The following PECAM1 variants were observed in gnomAD, a reference collection of about 807,000 sequenced individuals.
PECAM1 encodes platelet and endothelial cell adhesion molecule 1.
PECAM1 carries 8 observed loss-of-function variants against 13.8 expected under a neutral mutation model. The observed-to-expected ratio is 0.58, with a 90% confidence interval of 0.34 to 1.05. The LOEUF is 1.05. PECAM1 is among the 50% of genes least tolerant of loss of function. PECAM1 has a pLI of 0.03. For synonymous variants in PECAM1, 136 were observed against 52.6 expected (o/e 2.58, Z -6.86); for missense variants, 304 against 141.2 (o/e 2.15, Z -5.84).
intron 14 of PECAM1, among the ~76,000 whole-genome samples, chr17:64,334,712 T>C (rs2035224016): frequency 6.6e-6 from 1 of 152,124 alleles, no homozygotes; most frequent in South Asian, 2.1e-4. Flanking sequence ...TTTCACCGTG[T>C]TAGCCAGGAT....
At chr17:64,359,082 G>A (rs1335149233) in intron 7 of PECAM1, among the ~76,000 whole-genome samples, 1 of 152,132 alleles carries the variant, frequency 6.6e-6, no homozygotes, top group African/African-American at 2.4e-5. Context: ...ACAGGTGTGA[G>A]CTACCTCAAC....
intron 14 of PECAM1, among the ~76,000 whole-genome samples, chr17:64,339,720 T>C (rs1020285335): frequency 6.6e-6 from 1 of 152,228 alleles, no homozygotes; most frequent in Non-Finnish European, 1.5e-5. Context: ...TTTTCAAAAA[T>C]TATTCAGGGT....
chr17:64,367,230 G>A (rs2036129402), intron 5 of PECAM1, among the ~76,000 whole-genome samples: 1 of 152,066 alleles, frequency 6.6e-6, no homozygotes, highest in South Asian at 2.1e-4. Flanking sequence ...TGATTCAGAT[G>A]CATTATTTGT....
Position 64,322,786 on chromosome 17 carries a change from G to A in PECAM1, c.*1030C>T, listed in dbSNP as rs530211305. The stretch of plus-strand genomic sequence containing the variant: ...GCTGGAGTGCAGTGGCGCGATCTCC[G>A]CTCACTACAACCTCCGTTTCCTGGG... On this transcript the variant is annotated 3_prime_UTR_variant, in exon 16 of 16. Transcript: ENST00000563924. The A allele has an allele frequency of 4.6e-6, 3 of 657,570 alleles. No homozygotes were observed. The highest frequency in any genetic ancestry group is 2.0e-5 in the African/African-American group (1 of 51,266). 40.7% of individuals were successfully genotyped at this position (657,570 alleles called of 1,614,324 possible). A position where few individuals can be genotyped will look rare whatever the true frequency, so the allele number is the denominator to read the frequency against.
intron 14 of PECAM1, among the ~76,000 whole-genome samples, chr17:64,332,731 C>T (rs1466822492): frequency 2.0e-5 from 3 of 152,204 alleles, no homozygotes; most frequent in African/African-American, 7.2e-5. Flanking sequence ...TCTTTCTCAG[C>T]CATTTCCTGT....
chr17:64,381,598 G>T (rs989920438), intron 2 of PECAM1, among the ~76,000 whole-genome samples: 2 of 151,974 alleles, frequency 1.3e-5, no homozygotes, highest in African/African-American at 4.8e-5. Context: ...TACAATTTGC[G>T]CCTGCTGCTA....
intron 2 of PECAM1, among the ~76,000 whole-genome samples, chr17:64,382,857 T>A (rs2036511461): frequency 2.0e-5 from 3 of 151,848 alleles, no homozygotes; most frequent in Admixed American, 6.6e-5. Context: ...CTGGCTAACA[T>A]GGTGAAACCC....
intron 5 of PECAM1, among the ~76,000 whole-genome samples, chr17:64,368,998 G>A (rs1250925321): frequency 4.9e-5 from 6 of 123,268 alleles, no homozygotes; most frequent in South Asian, 6.0e-4. Context: ...GTGCAGTGGC[G>A]CAATCTCAGC....
At position 64,378,032 on chromosome 17, in the gene PECAM1, C is replaced by A; in HGVS notation, c.177G>T (p.Ala59=). Residue 59 remains alanine (A), a synonymous_variant, in exon 3 of 16, where the codon GCG becomes GCT. Transcript: ENST00000563924. ...TGACGTGAGAGGTGGTGCTGACATC[C>A]GCGAAGCACTGCAGGGTCAGGTTCT... is the stretch of plus-strand genomic sequence containing the variant. ...NGKNLTLQCF[A]DVSTTSHVKP... is the part of the protein sequence containing the mutation. The A allele has an allele frequency of 4.2e-6, 2 of 475,320 alleles. No individual in the cohort carries two copies. The highest frequency in any genetic ancestry group is 7.7e-6 in the Non-Finnish European group (2 of 259,054). 29.4% of individuals were successfully genotyped at this position (475,320 alleles called of 1,614,324 possible).
intron 2 of PECAM1, among the ~76,000 whole-genome samples, chr17:64,389,716 C>A (rs2036674412): frequency 6.6e-6 from 1 of 152,060 alleles, no homozygotes; most frequent in African/African-American, 2.4e-5. Context: ...ATAAAAAAAT[C>A]ACCTCCCCAT....
rs959528858 is a variant in PECAM1 at position 64,389,045 on chromosome 17, G to A, written c.91+1444C>T. 6.6e-4 allele frequency among the ~76,000 whole-genome samples: 100 copies of A among 152,248 alleles called. 3 individuals carry two copies. In the South Asian group the frequency reaches 0.02, roughly 30 times the overall value. On this transcript the variant is annotated intron_variant, in intron 2 of 15. Coordinates refer to ENST00000563924, the MANE Select transcript of PECAM1 (RefSeq NM_000442.5). Reference sequence around the variant, plus strand: ...TGAAGATTATGGATATCCTGCCTCCGTGGGTTGCCATGGGGATCAAATGCC... The same window carrying A: ...TGAAGATTATGGATATCCTGCCTCCATGGGTTGCCATGGGGATCAAATGCC...
At position 64,350,380 on chromosome 17, in the gene PECAM1, C is replaced by A; in HGVS notation, c.2044G>T (p.Glu682Ter). 2.4e-6 allele frequency: 1 copy of A among 417,058 alleles called. No individual in the cohort carries two copies. The highest frequency in any genetic ancestry group is 3.5e-5 in the East Asian group (1 of 28,600). The allele number at this position is 417,058 out of a possible 1,614,324, so 25.8% of individuals were successfully genotyped here. A position where few individuals can be genotyped will look rare whatever the true frequency, so the allele number is the denominator to read the frequency against. Residue 682 changes from glutamate (E) to a stop codon, truncating the protein, a stop_gained and splice_region_variant, in exon 12 of 16, where the codon GAG becomes TAG. Coordinates refer to ENST00000563924, the MANE Select transcript of PECAM1 (RefSeq NM_000442.5). LOFTEE classifies it high-confidence loss of function. ...HAMKPINDNK[E>*]PLNSDVQYTE... ...TAAAAACATGTAATTAGATAATTAC[C>A]TTTATTATCATTTATTGGTTTCATT...
chr17:64,338,239 A>ATT (rs149206249), intron 14 of PECAM1, among the ~76,000 whole-genome samples: 13 of 108,810 alleles, frequency 1.2e-4, no homozygotes, highest in African/African-American at 3.8e-4. Context: ...ATTTTTTAAA[A>ATT]TTTTTTTTTT....
chr17:64,372,485 A>G (rs2036263004), intron 4 of PECAM1, among the ~76,000 whole-genome samples: 1 of 152,052 alleles, frequency 6.6e-6, no homozygotes, highest in Admixed American at 6.6e-5. Context: ...TTTTTATTTT[A>G]CGATAAGTTT....
intron 13 of PECAM1, among the ~76,000 whole-genome samples, chr17:64,346,518 T>C (rs2035574233): frequency 6.6e-6 from 1 of 152,104 alleles, no homozygotes; most frequent in Non-Finnish European, 1.5e-5. Flanking sequence ...GTATTTTTAG[T>C]AGAGACAGGG....
intron 15 of PECAM1, among the ~76,000 whole-genome samples, chr17:64,329,003 ATCTTTCTCCCGTCACTTG>A (rs1168994913): frequency 2.6e-4 from 39 of 152,098 alleles, no homozygotes; most frequent in Non-Finnish European, 1.5e-4. Context: ...GCCCTGACTT[ATCTTTCTCCCGTCACTTG>A]TCACTGTCAC....
intron 14 of PECAM1, among the ~76,000 whole-genome samples, chr17:64,339,846 GTTC>G (rs1252280530): frequency 3.9e-5 from 6 of 152,172 alleles, no homozygotes; most frequent in Non-Finnish European, 8.8e-5. Flanking sequence ...GAATTGGATG[GTTC>G]TTCTAAAACA....
chr17:64,376,933 G>A (rs1024669021), intron 3 of PECAM1, among the ~76,000 whole-genome samples: 79 of 152,086 alleles, frequency 5.2e-4, no homozygotes, highest in African/African-American at 1.8e-3. Flanking sequence ...CCAAGGTCGC[G>A]CCATTGCTCT....
intron 13 of PECAM1, among the ~76,000 whole-genome samples, chr17:64,344,683 C>A (rs1038185414): frequency 1.3e-5 from 2 of 152,068 alleles, no homozygotes; most frequent in Non-Finnish European, 2.9e-5. Flanking sequence ...CACAAAGCCC[C>A]TTTTCGTACC....
Sources: allele counts gnomAD v4.1 joint callset (sites outside exome capture counted in the v4.1 genomes callset), GRCh38; gene constraint gnomAD v4.1.1; transcripts MANE v1.5; gene names NCBI Gene and HGNC (gene_info 2026-07-23, HGNC 2026-07-21).